The following TEF variants were observed in gnomAD, a reference collection of about 807,000 sequenced individuals.
TEF encodes the protein TEF transcription factor, PAR bZIP family member, also known as thyrotroph embryonic factor.
TEF carries 3 observed loss-of-function variants against 20.8 expected under a neutral mutation model. That is an observed-to-expected ratio of 0.14 (90% CI 0.07 to 0.37). The LOEUF (loss-of-function observed/expected upper bound fraction) is 0.37. Ranked by LOEUF, TEF falls within the 10% of genes least tolerant of loss-of-function variation. TEF has a pLI of 1.00. For synonymous variants in TEF, 180 were observed against 171.1 expected, an observed-to-expected ratio of 1.05 and a Z score of -0.41; for missense variants, 296 against 397.9, an observed-to-expected ratio of 0.74 and a Z score of 2.18.
At chr22:41,369,000 C>T (rs2036850640) in intron 1 of TEF, 1 of 945,414 alleles carries the variant, frequency 1.1e-6, no homozygotes, top group African/African-American at 1.8e-5. Flanking sequence ...TTTCCAAAAG[C>T]TAAGGTAGAG....
At position 41,384,470 on chromosome 22, in the gene TEF, GA is replaced by G. The variant is rs200739772; in HGVS notation, c.157+2273del. Among the ~76,000 whole-genome samples, 879 of 152,220 alleles carry G rather than the reference GA, an allele frequency of 5.8e-3. 8 individuals are homozygous for G. Among genetic ancestry groups the G allele is most frequent in the African/African-American group, 0.02 (826 of 41,536 alleles). ...AACTCCACCCCTCTCCTTCCTCCCA[GA>G]AAACCTGCCTTCAGTCTTTTCTGCT... On this transcript the variant is annotated intron_variant, in intron 1 of 3. Coordinates refer to ENST00000266304, the MANE Select transcript of TEF (RefSeq NM_003216.4).
At chr22:41,374,584 T>A (rs1266726969) in intron 1 of TEF, among the ~76,000 whole-genome samples, 1 of 149,686 alleles carries the variant, frequency 6.7e-6, no homozygotes, top group African/African-American at 2.5e-5. Flanking sequence ...GGCAAGGCAG[T>A]GCACACCTGA....
intron 1 of TEF, chr22:41,383,126 G>C (rs1157428677): frequency 2.2e-6 from 1 of 447,428 alleles, no homozygotes; most frequent in Non-Finnish European, 4.7e-6. Flanking sequence ...GTTATTCAGG[G>C]TTTGGGAAAG....
intron 1 of TEF, among the ~76,000 whole-genome samples, chr22:41,371,957 T>C (rs1458070708): frequency 7.0e-6 from 1 of 143,106 alleles, no homozygotes; most frequent in Non-Finnish European, 1.6e-5. Flanking sequence ...GAGTGTGGAC[T>C]CGGTGCAGCC....
At chr22:41,369,390 C>T (rs2036854586) in intron 1 of TEF, among the ~76,000 whole-genome samples, 1 of 152,224 alleles carries the variant, frequency 6.6e-6, no homozygotes, top group African/African-American at 2.4e-5. Flanking sequence ...TGGGCAGGTC[C>T]AAGGGGTGTG....
chr22:41,373,559 T>C (rs2036906926), intron 1 of TEF, among the ~76,000 whole-genome samples: 1 of 151,938 alleles, frequency 6.6e-6, no homozygotes, highest in African/African-American at 2.4e-5. Flanking sequence ...AACCTCCGCC[T>C]CCCAGGTTCA....
At chr22:41,372,408 C>A (rs1163955963) in intron 1 of TEF, among the ~76,000 whole-genome samples, 2 of 152,168 alleles carry the variant, frequency 1.3e-5, no homozygotes, top group Non-Finnish European at 2.9e-5. Context: ...GTCTCCTGAG[C>A]GTGAGCCAGG....
chr22:41,374,121 C>A (rs2036913141), intron 1 of TEF, among the ~76,000 whole-genome samples: 1 of 151,988 alleles, frequency 6.6e-6, no homozygotes, highest in Non-Finnish European at 1.5e-5. Flanking sequence ...TTAAGAAAAT[C>A]ATGGCCGGGC....
intron 2 of TEF, among the ~76,000 whole-genome samples, chr22:41,389,316 G>A (rs1348202969): frequency 6.6e-6 from 1 of 152,110 alleles, no homozygotes; most frequent in African/African-American, 2.4e-5. Context: ...CAGGAGAATG[G>A]CGTGAACCCA....
At chr22:41,378,138 G>A (rs2036966690), upstream of TEF, among the ~76,000 whole-genome samples, 1 of 148,986 alleles carries the variant, frequency 6.7e-6, no homozygotes, top group South Asian at 2.1e-4. Context: ...CAAACTAGCA[G>A]GTTTTTTAAA....
intron 1 of TEF, among the ~76,000 whole-genome samples, chr22:41,382,523 G>C (rs955975620): frequency 2.0e-5 from 3 of 152,140 alleles, no homozygotes; most frequent in Non-Finnish European, 4.4e-5. Flanking sequence ...CGGGATGCCT[G>C]TTTAAATTGC....
chr22:41,375,755 A>G (rs931278845), intron 1 of TEF, among the ~76,000 whole-genome samples: 1 of 152,048 alleles, frequency 6.6e-6, no homozygotes, highest in Non-Finnish European at 1.5e-5. Flanking sequence ...CTCCAAATGC[A>G]TATCATTTAG....
At position 41,398,275 on chromosome 22, in the gene TEF, G is replaced by A. The variant is rs911834812; in HGVS notation, c.*2315G>A. ...GAGGGTTGGTGCCTGCTCAGTTTCT[G>A]TCGAGGGAATGGGAGTCTCCTCGGC... On this transcript the variant is annotated 3_prime_UTR_variant, in exon 4 of 4. Transcript: ENST00000266304. 6.5e-6 allele frequency: 1 copy of A among 153,708 alleles called. No individual in the cohort carries two copies. The highest frequency in any genetic ancestry group is 1.5e-5 in the Non-Finnish European group (1 of 68,060). The allele number at this position is 153,708 out of a possible 1,614,324, so 9.5% of individuals were successfully genotyped here. A position where few individuals can be genotyped will look rare whatever the true frequency, so the allele number is the denominator to read the frequency against.
chr22:41,381,096 G>T (rs738499), upstream of TEF, among the ~76,000 whole-genome samples: 115,894 of 152,126 alleles, frequency 0.76, 44,631 homozygotes, highest in African/African-American at 0.85. Context: ...CGCTAGTGTT[G>T]ATCTGGATGC....
chr22:41,379,983 T>G (rs1250183662), upstream of TEF, among the ~76,000 whole-genome samples: 2 of 151,388 alleles, frequency 1.3e-5, no homozygotes, highest in African/African-American at 4.9e-5. Context: ...AGGCATCAGA[T>G]TCAGAAAATG....
chr22:41,381,907 G>A (rs2037030089), upstream of TEF: 1 of 1,226,410 alleles, frequency 8.2e-7, no homozygotes, highest in South Asian at 4.3e-5. Context: ...GCGGGGTAGC[G>A]ATGGAAGGAG....
At chr22:41,383,180 CT>C (rs1241489441) in intron 1 of TEF, among the ~76,000 whole-genome samples, 2 of 152,088 alleles carry the variant, frequency 1.3e-5, no homozygotes. Flanking sequence ...ATGGATTTTC[CT>C]TTTTAAAATG....
chr22:41,373,984 G>A (rs1421430687), intron 1 of TEF, among the ~76,000 whole-genome samples: 1 of 151,948 alleles, frequency 6.6e-6, no homozygotes, highest in Non-Finnish European at 1.5e-5. Context: ...GGCTGGTCTG[G>A]AACTCCAGAC....
Position 41,387,983 on chromosome 22 carries a change from C to CTTTTTTTTTTTT in TEF, c.475+336_475+347dup, listed in dbSNP as rs530707936. Among the ~76,000 whole-genome samples the CTTTTTTTTTTTT allele has an allele frequency of 4.4e-4, 22 of 50,078 alleles. 7 individuals are homozygous for CTTTTTTTTTTTT. The highest frequency in any genetic ancestry group is 6.5e-4 in the Admixed American group (2 of 3,082). The allele number at this position is 50,078 out of a possible 152,430, so 32.9% of individuals were successfully genotyped here. A position where few individuals can be genotyped will look rare whatever the true frequency, so the allele number is the denominator to read the frequency against. On this transcript the variant is annotated intron_variant, in intron 2 of 3. Transcript: ENST00000266304. ...CATTCTGCATTTCCTCAATGCTGCT[C>CTTTTTTTTTTTT]TTTTTTTTTTTTTTTTTTTTTTTTT...
Sources: gnomAD v4.1 joint callset for allele counts (sites outside exome capture counted in the v4.1 genomes callset) on GRCh38, gnomAD v4.1.1 for gene constraint, MANE v1.5 for transcripts, NCBI Gene and HGNC (gene_info 2026-07-23, HGNC 2026-07-21) for gene names.